SV2C: variants seen among roughly 807,000 people sequenced by gnomAD.
SV2C encodes the protein solute carrier family 22 member B3.
Under a neutral mutation model 79.7 loss-of-function variants are expected in SV2C, and 49 were observed. The observed-to-expected ratio is 0.61, with a 90% CI of 0.49 to 0.78. SV2C has a LOEUF of 0.78. Among genes scored for constraint, SV2C ranks in the 30% least tolerant of loss-of-function variants. The pLI, the probability that SV2C is intolerant of heterozygous loss-of-function variation, is 0.00. For missense variants in SV2C, 833 were observed against 912.9 expected, an observed-to-expected ratio of 0.91 and a Z score of 1.13; for synonymous variants, 334 against 333.2, an observed-to-expected ratio of 1.00 and a Z score of -0.03.
chr5:76,344,128 A>G (rs1561327436), intron 12 of SV2C, among the ~76,000 whole-genome samples: 1 of 152,046 alleles, frequency 6.6e-6, no homozygotes, highest in Admixed American at 6.6e-5. Flanking sequence ...TCACACATCC[A>G]CCTGAATTAT....
At chr5:75,914,819 A>AT in the SV2C span, among the ~76,000 whole-genome samples, 2 of 152,198 alleles carry the variant, frequency 1.3e-5, no homozygotes, top group Non-Finnish European at 2.9e-5. Context: ...TGCTATCCCC[A>AT]TTTTTATTAG....
At chr5:76,347,450 T>TTGC (rs1749565211) in intron 12 of SV2C, among the ~76,000 whole-genome samples, 1 of 102,844 alleles carries the variant, frequency 9.7e-6, no homozygotes, top group African/African-American at 6.5e-5. Context: ...TTTTGTTTTT[T>TTGC]TGTTGTTGTT....
the SV2C span, among the ~76,000 whole-genome samples, chr5:76,004,575 T>C: frequency 1.5e-3 from 224 of 152,192 alleles, no homozygotes; most frequent in Non-Finnish European, 2.9e-3. Flanking sequence ...TCTTGGGGCT[T>C]GTACTAATCA....
intron 4 of SV2C, among the ~76,000 whole-genome samples, chr5:76,230,680 T>C (rs529789029): frequency 1.3e-5 from 2 of 152,030 alleles, no homozygotes; most frequent in South Asian, 2.1e-4. Flanking sequence ...TCCCAGCTAC[T>C]TGGGAGGCTG....
the SV2C span, among the ~76,000 whole-genome samples, chr5:75,995,451 A>G: frequency 1.3e-5 from 2 of 152,282 alleles, no homozygotes; most frequent in African/African-American, 4.8e-5. Flanking sequence ...AGAACAGATT[A>G]GCACATGACT....
At position 76,099,205 on chromosome 5, in the gene SV2C, C is replaced by T. The variant is rs117124071; in HGVS notation, c.-102+15693C>T. On this transcript the variant is annotated intron_variant, in intron 1 of 12. Coordinates refer to ENST00000502798, the MANE Select transcript of SV2C (RefSeq NM_014979.4). ...GCTTAGAATTTTTTTTCTTACTAGA[C>T]GATTTTGAAATTGGGTACTACAAAA... 3.0e-3 allele frequency among the ~76,000 whole-genome samples: 461 copies of T among 152,070 alleles called. 3 individuals are homozygous for T. Among genetic ancestry groups the T allele is most frequent in the South Asian group, 0.025 (122 of 4,808 alleles).
intron 4 of SV2C, among the ~76,000 whole-genome samples, chr5:76,230,429 A>G (rs1378935978): frequency 6.6e-6 from 1 of 152,216 alleles, no homozygotes; most frequent in Non-Finnish European, 1.5e-5. Context: ...AAAGAAAATA[A>G]AATGTCAAGA....
chr5:76,293,999 T>A (rs1747650621), intron 8 of SV2C, among the ~76,000 whole-genome samples: 1 of 152,172 alleles, frequency 6.6e-6, no homozygotes, highest in Non-Finnish European at 1.5e-5. Context: ...GGGAATAAAC[T>A]AGAGCAGTGG....
chr5:76,076,240 T>C, the SV2C span, among the ~76,000 whole-genome samples: 1 of 152,222 alleles, frequency 6.6e-6, no homozygotes, highest in Non-Finnish European at 1.5e-5. Flanking sequence ...TAAAGTATCA[T>C]ATGTGTATGG....
intron 12 of SV2C, chr5:76,311,173 C>T (rs978513246): frequency 1.3e-5 from 2 of 152,350 alleles, no homozygotes; most frequent in African/African-American, 2.4e-5. Flanking sequence ...CCTCTCTGCT[C>T]ATGCACTCAC....
At chr5:75,916,749 G>A in the SV2C span, among the ~76,000 whole-genome samples, 1 of 152,140 alleles carries the variant, frequency 6.6e-6, no homozygotes, top group African/African-American at 2.4e-5. Context: ...TGCTGGGACT[G>A]CAGACATGAG....
rs774644395 is a variant in SV2C at position 76,325,646 on chromosome 5, A to G, written c.*99A>G. ...CAGAGTTTTCCTATATAGAAAGGTGATCAAGTATCAGAACATAAACACGTG... is the reference window on the plus strand; with the variant it reads ...CAGAGTTTTCCTATATAGAAAGGTGGTCAAGTATCAGAACATAAACACGTG... On this transcript the variant is annotated 3_prime_UTR_variant, in exon 13 of 13. Transcript: ENST00000502798. 95 of 1,500,884 alleles carry G rather than the reference A, an allele frequency of 6.3e-5. No homozygotes were observed. The highest frequency in any genetic ancestry group is 7.9e-5 in the Non-Finnish European group (88 of 1,120,382). 93.0% of individuals were successfully genotyped at this position (1,500,884 alleles called of 1,614,324 possible).
chr5:75,939,505 G>A, the SV2C span, among the ~76,000 whole-genome samples: 38,456 of 151,866 alleles, frequency 0.25, 5,785 homozygotes, highest in East Asian at 0.41. Context: ...CCATCATAGT[G>A]TTAGGGCTTC....
the SV2C span, among the ~76,000 whole-genome samples, chr5:75,917,725 T>G: frequency 6.6e-6 from 1 of 152,002 alleles, no homozygotes; most frequent in East Asian, 1.9e-4. Flanking sequence ...CCCAAAAAAA[T>G]AGAAAGAATG....
chr5:76,194,164 G>A (rs1205456330), intron 2 of SV2C, among the ~76,000 whole-genome samples: 1 of 151,772 alleles, frequency 6.6e-6, no homozygotes, highest in Non-Finnish European at 1.5e-5. Flanking sequence ...GAAGGGGATA[G>A]GCGAGGCTTT....
At chr5:75,952,290 T>TTTCTTC in the SV2C span, among the ~76,000 whole-genome samples, 2 of 80,864 alleles carry the variant, frequency 2.5e-5, no homozygotes, top group East Asian at 8.8e-4. Flanking sequence ...TTCCTTCCTT[T>TTTCTTC]CTTCCTTCCT....
At chr5:76,272,165 G>A (rs774378150) in intron 4 of SV2C, among the ~76,000 whole-genome samples, 3 of 152,266 alleles carry the variant, frequency 2.0e-5, no homozygotes, top group East Asian at 1.9e-4. Context: ...ATACAAGTGT[G>A]CCCTTTGGGC....
intron 3 of SV2C, among the ~76,000 whole-genome samples, chr5:76,199,371 T>G (rs1394108919): frequency 6.6e-6 from 1 of 152,168 alleles, no homozygotes; most frequent in Non-Finnish European, 1.5e-5. Context: ...CTCCACGCAT[T>G]TCCTAGGAGT....
chr5:76,155,387 C>T (rs979151725), intron 2 of SV2C, among the ~76,000 whole-genome samples: 1 of 152,206 alleles, frequency 6.6e-6, no homozygotes, highest in African/African-American at 2.4e-5. Flanking sequence ...TTTCTTCCCC[C>T]ACTCCAAACT....
Sources: allele counts gnomAD v4.1 joint callset (sites outside exome capture counted in the v4.1 genomes callset), GRCh38; gene constraint gnomAD v4.1.1; transcripts MANE v1.5; gene names NCBI Gene and HGNC (gene_info 2026-07-23, HGNC 2026-07-21).